ZSCAN32: variants seen among roughly 807,000 people sequenced by gnomAD.
The protein encoded by ZSCAN32 is zinc finger and SCAN domain-containing protein 32.
ZSCAN32 carries 52 observed loss-of-function variants against 47.4 expected under a neutral mutation model. That is an observed-to-expected ratio of 1.10 (90% CI 0.88 to 1.38). The LOEUF is 1.38. Among genes scored for constraint, ZSCAN32 ranks in the 40% most tolerant of loss-of-function variants. The pLI, the probability that ZSCAN32 is intolerant of heterozygous loss-of-function variation, is 0.00. For synonymous variants in ZSCAN32, 346 were observed against 305.7 expected, an observed-to-expected ratio of 1.13 and a Z score of -1.38; for missense variants, 959 against 846.0, an observed-to-expected ratio of 1.13 and a Z score of -1.66.
chr16:3,394,111 C>G (rs1262367913), intron 2 of ZSCAN32, among the ~76,000 whole-genome samples: 1 of 152,074 alleles, frequency 6.6e-6, no homozygotes, highest in African/African-American at 2.4e-5. Context: ...ACTAAAAATA[C>G]AAACATTAGC....
intron 3 of ZSCAN32, among the ~76,000 whole-genome samples, 157 bp from the exon 4 acceptor site, chr16:3,390,674 G>A (rs914173040): frequency 1.3e-5 from 2 of 152,234 alleles, no homozygotes; most frequent in South Asian, 2.1e-4. Context: ...TTCTGAATCG[G>A]AAATTCTGGA....
intron 6 of ZSCAN32, 128 bp from the exon 7 acceptor site, chr16:3,383,839 C>T: frequency 2.0e-6 from 2 of 993,308 alleles, no homozygotes; most frequent in Non-Finnish European, 2.8e-6. Flanking sequence ...AAGTCTCCTG[C>T]TAATTAATAG....
At position 3,382,258 on chromosome 16, in the gene ZSCAN32, A is replaced by G. The variant is rs1263574508; in HGVS notation, c.*594T>C. ...AAAGGAGAAATCTTACAAAAAATTA[A>G]CCTGGATGTTGTGCTTGCTCTAAGG... On this transcript the variant is annotated 3_prime_UTR_variant, in exon 7 of 7. Coordinates refer to ENST00000396852, the MANE Select transcript of ZSCAN32 (RefSeq NM_001284527.2). The G allele has an allele frequency of 6.6e-6, 1 of 152,260 alleles. No individual in the cohort carries two copies. The highest frequency in any genetic ancestry group is 1.5e-5 in the Non-Finnish European group (1 of 68,056). The allele number at this position is 152,260 out of a possible 1,614,324, so 9.4% of individuals were successfully genotyped here. A position where few individuals can be genotyped will look rare whatever the true frequency, so the allele number is the denominator to read the frequency against.
chr16:3,399,580 AAATT>A (rs2033691730), intron 1 of ZSCAN32, among the ~76,000 whole-genome samples: 1 of 152,138 alleles, frequency 6.6e-6, no homozygotes, highest in South Asian at 2.1e-4. Flanking sequence ...ATATAATTTA[AAATT>A]AATAAATAAC....
intron 1 of ZSCAN32, among the ~76,000 whole-genome samples, chr16:3,400,364 A>C (rs951920147): frequency 7.9e-5 from 12 of 152,174 alleles, no homozygotes; most frequent in Non-Finnish European, 1.6e-4. Flanking sequence ...CCTTGCCTTC[A>C]TTATGTTCAT....
At chr16:3,397,859 C>G (rs1459030399) in intron 1 of ZSCAN32, 115 bp from the exon 2 acceptor site, 3 of 269,356 alleles carry the variant, frequency 1.1e-5, no homozygotes, top group African/African-American at 6.7e-5. Flanking sequence ...CACCAAGGAT[C>G]CAAAACACTA....
intron 1 of ZSCAN32, 88 bp downstream of exon 1, chr16:3,400,857 G>A (rs1418246690): frequency 6.6e-6 from 1 of 152,298 alleles, no homozygotes; most frequent in East Asian, 1.9e-4. Flanking sequence ...CGAACGCCTC[G>A]GAGAAGACTC....
At chr16:3,386,462 A>G (rs1434136868) in intron 5 of ZSCAN32, among the ~76,000 whole-genome samples, 1 of 151,948 alleles carries the variant, frequency 6.6e-6, no homozygotes, top group Non-Finnish European at 1.5e-5. Flanking sequence ...AAGGATTATA[A>G]ATCATGCTGC....
chr16:3,385,548 A>G (rs992640705), intron 5 of ZSCAN32, among the ~76,000 whole-genome samples: 1 of 152,194 alleles, frequency 6.6e-6, no homozygotes, highest in Non-Finnish European at 1.5e-5. Flanking sequence ...AAACTATACT[A>G]CAAGGCTACA....
At chr16:3,388,046 ATT>A (rs1238141684) in intron 5 of ZSCAN32, among the ~76,000 whole-genome samples, 4 of 152,204 alleles carry the variant, frequency 2.6e-5, no homozygotes, top group Non-Finnish European at 2.9e-5. Flanking sequence ...TACTTCTCAA[ATT>A]ATCTATGAAG....
chr16:3,390,457 T>G lies in ZSCAN32; in HGVS notation c.593A>C (p.Glu198Ala). ...LPQNTGLHDQ[E>A]TGAVVWTAGS... ...AGCTGTCCAGACCACAGCACCTGTC[T>G]CCTGGTCGTGGAGACCTGTGTTTTG... Residue 198 changes from glutamate to alanine, a missense_variant, in exon 4 of 7, where the codon GAG becomes GCG. Coordinates refer to ENST00000396852, the MANE Select transcript of ZSCAN32 (RefSeq NM_001284527.2). 1 of 1,550,062 alleles carries G rather than the reference T, an allele frequency of 6.5e-7. No individual in the cohort carries two copies. The highest frequency in any genetic ancestry group is 8.7e-7 in the Non-Finnish European group (1 of 1,146,952).
chr16:3,383,062 A>G lies in ZSCAN32; in HGVS notation c.1884T>C (p.Thr628=). 6.2e-7 allele frequency: 1 copy of G among 1,614,134 alleles called. No individual in the cohort carries two copies. Among genetic ancestry groups the G allele is most frequent in the East Asian group, 2.2e-5 (1 of 44,884 alleles). The change falls in exon 7 of 7, where the codon ACT becomes ACC. Residue 628 remains threonine, a synonymous_variant. Transcript: ENST00000396852. ...CTGCACACTTGTATGGGCTCTCCCC[A>G]GTGTGGATGCGCCGGTGAGCACTGA... is the stretch of plus-strand genomic sequence containing the variant. ...SQFSAHRRIH[T]GESPYKCAVC... is the part of the protein sequence containing the mutation.
intron 6 of ZSCAN32, 200 bp downstream of exon 6, chr16:3,384,259 A>T: frequency 6.0e-6 from 4 of 664,670 alleles, no homozygotes; most frequent in Non-Finnish European, 1.0e-5. Context: ...TAGTTGAAAG[A>T]GGTTGGCAAA....
chr16:3,390,622 C>T, intron 3 of ZSCAN32, 105 bp from the exon 4 acceptor site: 1 of 869,264 alleles, frequency 1.2e-6, no homozygotes, highest in Non-Finnish European at 1.8e-6. Context: ...CAGCCCCTGG[C>T]AACCCATCAG....
Position 3,397,517 on chromosome 16 carries a change from G to A in ZSCAN32, c.41C>T (p.Ser14Leu), listed in dbSNP as rs1007706818. ...CTGGCCCTGTGTGGGATCCTTGTTT[G>A]AGGATGGGTGTGCCTCGGTACTCTT... ...AVKSTEAHPSSNKDPTQGQKS... is the reference protein window; with the variant it reads ...AVKSTEAHPSLNKDPTQGQKS... Residue 14 changes from serine (S) to leucine (L), a missense_variant, in exon 2 of 7, where the codon TCA becomes TTA. Physicochemically the swap from Ser to Leu is moderately radical, Grantham distance 145 (BLOSUM62 -2). Coordinates refer to ENST00000396852, the MANE Select transcript of ZSCAN32 (RefSeq NM_001284527.2). 7.7e-6 allele frequency: 12 copies of A among 1,549,684 alleles called. No individual in the cohort carries two copies. The highest frequency in any genetic ancestry group is 2.0e-5 in the Admixed American group (1 of 50,952).
Position 3,382,890 on chromosome 16 carries a change from C to A in ZSCAN32, c.2056G>T (p.Ala686Ser). 6.3e-7 allele frequency: 1 copy of A among 1,591,122 alleles called. No individual in the cohort carries two copies. Among genetic ancestry groups the A allele is most frequent in the Non-Finnish European group, 8.6e-7 (1 of 1,167,124 alleles). Reference sequence around the variant, plus strand: ...CTTCCTTCCTGTGATGAGAGTACTGCTTTCATGTGTACTGTCTGATGACGG... The same window carrying A: ...CTTCCTTCCTGTGATGAGAGTACTGATTTCATGTGTACTGTCTGATGACGG... ...LTRHQTVHMK[A>S]VLSSQEGRDA... Residue 686 changes from alanine to serine, a missense_variant, in exon 7 of 7, where the codon GCA becomes TCA. Physicochemically the swap from Ala to Ser is moderately conservative, Grantham distance 99. Transcript: ENST00000396852.
At chr16:3,397,831 A>AATG in intron 1 of ZSCAN32, 87 bp from the exon 2 acceptor site, 3 of 260,538 alleles carry the variant, frequency 1.2e-5, no homozygotes, top group Non-Finnish European at 2.2e-5. Context: ...CCTTTCCTTT[A>AATG]CTCCCTCCAC....
At chr16:3,390,250 A>G in intron 4 of ZSCAN32, 117 bp from the exon 5 acceptor site, 3 of 1,452,894 alleles carry the variant, frequency 2.1e-6, no homozygotes, top group Non-Finnish European at 2.8e-6. Flanking sequence ...AGGGGAGGTC[A>G]GCTCCCAGTG....
intron 5 of ZSCAN32, among the ~76,000 whole-genome samples, chr16:3,386,380 T>C (rs1199817139): frequency 1.3e-5 from 2 of 152,058 alleles, no homozygotes; most frequent in African/African-American, 2.4e-5. Flanking sequence ...GAAGTCAGTG[T>C]CGCGATTCCT....
Sources: allele counts gnomAD v4.1 joint callset (sites outside exome capture counted in the v4.1 genomes callset), GRCh38; gene constraint gnomAD v4.1.1; transcripts MANE v1.5; gene names NCBI Gene and HGNC (gene_info 2026-07-23, HGNC 2026-07-21).